Variants in REEP3 observed in about 807,000 individuals in gnomAD.
REEP3 encodes the protein receptor accessory protein 3, also known as receptor expression-enhancing protein 3.
Under a neutral mutation model 41.3 loss-of-function variants are expected in REEP3, and 20 were observed. The observed-to-expected ratio is 0.48, with a 90% confidence interval of 0.34 to 0.70. REEP3 has a LOEUF of 0.70. Among genes scored for constraint, REEP3 ranks in the 30% least tolerant of loss-of-function variants. The pLI is 0.01. For missense variants in REEP3, 271 were observed against 308.8 expected (o/e 0.88, Z 0.92); for synonymous variants, 104 against 101.8 (o/e 1.02, Z -0.13).
chr10:63,587,554 G>A (rs1956019174), intron 2 of REEP3, among the ~76,000 whole-genome samples: 1 of 152,186 alleles, frequency 6.6e-6, no homozygotes, highest in African/African-American at 2.4e-5. Context: ...AAGAACTATA[G>A]AAATCTATTT....
chr10:63,562,506 C>G, intron 1 of REEP3: 1 of 455,524 alleles, frequency 2.2e-6, no homozygotes, highest in Admixed American at 2.4e-5. Flanking sequence ...ATCCATCCCC[C>G]TCAACCTCCC....
At chr10:63,537,935 G>A (rs1393396632) in intron 1 of REEP3, among the ~76,000 whole-genome samples, 1 of 151,928 alleles carries the variant, frequency 6.6e-6, no homozygotes, top group African/African-American at 2.4e-5. Context: ...TACATAGATA[G>A]CCACTTAAAA....
chr10:63,525,075 C>T (rs1266518114), intron 1 of REEP3, among the ~76,000 whole-genome samples: 1 of 151,606 alleles, frequency 6.6e-6, no homozygotes, highest in Admixed American at 6.6e-5. Context: ...AAGTGTGGTG[C>T]TTGGCATTGA....
In REEP3 at chr10:63,572,018, C is replaced by T. The variant is rs1045890755; in HGVS notation, c.105+5608C>T. 2.0e-5 allele frequency among the ~76,000 whole-genome samples: 3 copies of T among 152,146 alleles called. No individual in the cohort carries two copies. The South Asian group carries it at 6.2e-4, about 32-fold the overall frequency. ...TCTGATTAATTCAAAGCTGGACGTT[C>T]GGGGGCCACGGCCATATAGATATTT... On this transcript the variant is annotated intron_variant, in intron 2 of 7. Transcript: ENST00000373758.
Position 63,621,500 on chromosome 10 carries a change from T to C in REEP3, c.*631T>C, listed in dbSNP as rs1033324966. The C allele has an allele frequency of 1.3e-5, 2 of 152,646 alleles. No individual in the cohort carries two copies. Among genetic ancestry groups the C allele is most frequent in the Admixed American group, 6.5e-5 (1 of 15,278 alleles). 9.5% of individuals were successfully genotyped at this position (152,646 alleles called of 1,614,324 possible). A position where few individuals can be genotyped will look rare whatever the true frequency, so the allele number is the denominator to read the frequency against. On this transcript the variant is annotated 3_prime_UTR_variant, in exon 8 of 8. Transcript: ENST00000373758. ...ACTTATTTTACAACTGTTTTACTGA[T>C]GCTATCTTTATTGTTTTTGCCGTAT...
chr10:63,556,768 T>C (rs1181019175), intron 1 of REEP3, among the ~76,000 whole-genome samples: 2 of 148,626 alleles, frequency 1.3e-5, no homozygotes, highest in African/African-American at 4.9e-5. Context: ...CCCAAGTAGC[T>C]GGGACTACAG....
At chr10:63,530,162 A>T (rs1348278496) in intron 1 of REEP3, among the ~76,000 whole-genome samples, 1 of 68,660 alleles carries the variant, frequency 1.5e-5, no homozygotes, top group Non-Finnish European at 3.0e-5. Flanking sequence ...TAAGTTTATG[A>T]TAGGATTAAT....
At chr10:63,536,588 C>T (rs989914776) in intron 1 of REEP3, among the ~76,000 whole-genome samples, 7 of 151,944 alleles carry the variant, frequency 4.6e-5, no homozygotes, top group African/African-American at 1.2e-4. Flanking sequence ...GAGTAAAAAA[C>T]GTCAACAGTT....
At position 63,621,318 on chromosome 10, in the gene REEP3, T is replaced by C. The variant is rs1956351699; in HGVS notation, c.*449T>C. 1 of 152,628 alleles carries C rather than the reference T, an allele frequency of 6.6e-6. No individual in the cohort carries two copies. The highest frequency in any genetic ancestry group is 2.4e-5 in the African/African-American group (1 of 41,454). 9.5% of individuals were successfully genotyped at this position (152,628 alleles called of 1,614,324 possible). A position where few individuals can be genotyped will look rare whatever the true frequency, so the allele number is the denominator to read the frequency against. On this transcript the variant is annotated 3_prime_UTR_variant, in exon 8 of 8. Transcript: ENST00000373758. ...ATAACAAGGACATAATGTAAGATAA[T>C]AAAGTAGGTTTTATATATTCTTTAA...
intron 1 of REEP3, among the ~76,000 whole-genome samples, chr10:63,545,501 A>C (rs893014593): frequency 6.6e-6 from 1 of 150,974 alleles, no homozygotes; most frequent in South Asian, 2.1e-4. Flanking sequence ...CCGCCTCCCA[A>C]ATAGCTGGGA....
intron 1 of REEP3, chr10:63,562,497 TCCATCCC>T (rs1955750205): frequency 2.2e-6 from 1 of 453,806 alleles, no homozygotes; most frequent in African/African-American, 2.0e-5. Flanking sequence ...CCTCAGGTAA[TCCATCCC>T]CCTCAACCTC....
chr10:63,527,016 A>G (rs912405726), intron 1 of REEP3, among the ~76,000 whole-genome samples: 5 of 152,040 alleles, frequency 3.3e-5, no homozygotes, highest in African/African-American at 9.7e-5. Flanking sequence ...CTTCCTTTTC[A>G]ATTCTATATA....
intron 5 of REEP3, 151 bp downstream of exon 5, chr10:63,599,434 A>G (rs1564489007): frequency 2.3e-6 from 1 of 440,820 alleles, no homozygotes. Flanking sequence ...AAGATATTTT[A>G]ATTTTGTGTT....
intron 1 of REEP3, among the ~76,000 whole-genome samples, chr10:63,550,106 C>T (rs560364515): frequency 6.6e-6 from 1 of 152,132 alleles, no homozygotes; most frequent in Non-Finnish European, 1.5e-5. Context: ...GATGAGATGG[C>T]GTGAGCCCAA....
At chr10:63,540,634 C>G (rs1421150676) in intron 1 of REEP3, among the ~76,000 whole-genome samples, 1 of 152,166 alleles carries the variant, frequency 6.6e-6, no homozygotes, top group Non-Finnish European at 1.5e-5. Flanking sequence ...TAATCCTTTT[C>G]TTAAAAGATT....
intron 5 of REEP3, among the ~76,000 whole-genome samples, chr10:63,602,176 A>G (rs1956178119): frequency 6.6e-6 from 1 of 152,162 alleles, no homozygotes; most frequent in Non-Finnish European, 1.5e-5. Context: ...GAAATAATGG[A>G]GTATGACTGC....
chr10:63,588,136 C>T (rs892207669), intron 2 of REEP3, among the ~76,000 whole-genome samples: 15 of 152,138 alleles, frequency 9.9e-5, no homozygotes, highest in African/African-American at 3.4e-4. Flanking sequence ...GCTAATATGC[C>T]GCCTACTGCA....
chr10:63,545,205 A>G (rs2133354998), intron 1 of REEP3, among the ~76,000 whole-genome samples: 1 of 152,324 alleles, frequency 6.6e-6, no homozygotes, highest in East Asian at 1.9e-4. Context: ...ATATTTAGAC[A>G]TACATATAAC....
intron 2 of REEP3, among the ~76,000 whole-genome samples, chr10:63,572,505 T>A (rs1955862312): frequency 6.6e-6 from 1 of 152,126 alleles, no homozygotes; most frequent in Non-Finnish European, 1.5e-5. Flanking sequence ...CAGTATGTGA[T>A]GTTCCCCTCC....
Sources: gnomAD v4.1 joint callset for allele counts (sites outside exome capture counted in the v4.1 genomes callset) on GRCh38, gnomAD v4.1.1 for gene constraint, MANE v1.5 for transcripts, NCBI Gene and HGNC (gene_info 2026-07-23, HGNC 2026-07-21) for gene names.